FOXJ3: variants seen among roughly 807,000 people sequenced by gnomAD.
FOXJ3 encodes forkhead box protein J3.
In FOXJ3, 22 loss-of-function variants were observed where a neutral mutation model predicts 76.1. That is an observed-to-expected ratio of 0.29 (90% confidence interval 0.21 to 0.41). FOXJ3 has a LOEUF of 0.41. FOXJ3 is among the 10% of genes least tolerant of loss of function. The pLI, the probability that FOXJ3 is intolerant of heterozygous loss-of-function variation, is 1.00. For missense variants in FOXJ3, 613 were observed against 762.1 expected, an observed-to-expected ratio of 0.80 and a Z score of 2.30; for synonymous variants, 269 against 261.2, an observed-to-expected ratio of 1.03 and a Z score of -0.29.
chr1:42,204,004 A>G (rs2124307646), intron 6 of FOXJ3, among the ~76,000 whole-genome samples: 1 of 151,484 alleles, frequency 6.6e-6, no homozygotes, highest in African/African-American at 2.4e-5. Flanking sequence ...TCAAAAAAAA[A>G]AAAAAAAAGT....
At chr1:42,212,458 G>T (rs1046412025) in intron 5 of FOXJ3, among the ~76,000 whole-genome samples, 8 of 152,048 alleles carry the variant, frequency 5.3e-5, no homozygotes, top group Non-Finnish European at 1.2e-4. Flanking sequence ...TTTAACAACA[G>T]ACTAGACCAG....
At chr1:42,324,552 G>C (rs1414368430) in intron 1 of FOXJ3, among the ~76,000 whole-genome samples, 1 of 151,896 alleles carries the variant, frequency 6.6e-6, no homozygotes, top group African/African-American at 2.4e-5. Context: ...CGTGTCGTTA[G>C]GCGATTTCAT....
At chr1:42,226,072 T>C (rs1647533963) in intron 5 of FOXJ3, among the ~76,000 whole-genome samples, 1 of 152,222 alleles carries the variant, frequency 6.6e-6, no homozygotes, top group Non-Finnish European at 1.5e-5. Context: ...TTAACAATGC[T>C]ATGTGTTTTT....
At chr1:42,227,014 T>C (rs914603150) in intron 5 of FOXJ3, among the ~76,000 whole-genome samples, 16 of 152,196 alleles carry the variant, frequency 1.1e-4, no homozygotes, top group African/African-American at 3.6e-4. Context: ...CTGTGAAAAA[T>C]GGTAACACTG....
chr1:42,277,519 C>A (rs374777576), intron 3 of FOXJ3, among the ~76,000 whole-genome samples: 1 of 40,134 alleles, frequency 2.5e-5, no homozygotes, highest in Non-Finnish European at 5.6e-5. Flanking sequence ...AAAATCTGGC[C>A]GGGCGCGGTG....
At chr1:42,283,982 T>A (rs1652890777) in intron 2 of FOXJ3, among the ~76,000 whole-genome samples, 1 of 152,190 alleles carries the variant, frequency 6.6e-6, no homozygotes, top group South Asian at 2.1e-4. Context: ...AAGATGATCC[T>A]GAACATGGAA....
At chr1:42,291,749 C>T (rs1356619798) in intron 2 of FOXJ3, among the ~76,000 whole-genome samples, 1 of 152,184 alleles carries the variant, frequency 6.6e-6, no homozygotes, top group Non-Finnish European at 1.5e-5. Flanking sequence ...CACTGTACTC[C>T]AGCCTGGGCA....
Position 42,199,315 on chromosome 1 carries a change from G to C in FOXJ3, c.631-85C>G, listed in dbSNP as rs1221731293. 5 of 1,195,118 alleles carry C rather than the reference G, an allele frequency of 4.2e-6. No individual in the cohort carries two copies. The Admixed American group carries it at 1.0e-4, about 24-fold the overall frequency. The allele number at this position is 1,195,118 out of a possible 1,614,324, so 74.0% of individuals were successfully genotyped here. ...AAAAATACAATTGAGCAGGCATATGGCAAGAAGAAAAAAATCTCAGTGGCC... is the reference window on the plus strand; with the variant it reads ...AAAAATACAATTGAGCAGGCATATGCCAAGAAGAAAAAAATCTCAGTGGCC... On this transcript the variant is annotated intron_variant, in intron 6 of 12. Coordinates refer to ENST00000361346, the MANE Select transcript of FOXJ3 (RefSeq NM_014947.5).
chr1:42,229,780 A>C (rs1280457921), intron 4 of FOXJ3, among the ~76,000 whole-genome samples: 1 of 152,212 alleles, frequency 6.6e-6, no homozygotes, highest in Non-Finnish European at 1.5e-5. Context: ...GAATAAATGC[A>C]AGGGGGAAAA....
intron 1 of FOXJ3, among the ~76,000 whole-genome samples, chr1:42,330,706 C>T (rs1656108107): frequency 6.6e-6 from 1 of 152,090 alleles, no homozygotes; most frequent in African/African-American, 2.4e-5. Context: ...CCCTCTAAGT[C>T]TCCAGGAAAT....
intron 4 of FOXJ3, among the ~76,000 whole-genome samples, chr1:42,243,037 T>G (rs1649273246): frequency 6.6e-6 from 1 of 152,170 alleles, no homozygotes; most frequent in South Asian, 2.1e-4. Context: ...GGATGATATA[T>G]TCAAGTGCTG....
At chr1:42,257,728 ACT>A (rs1224870411) in intron 4 of FOXJ3, among the ~76,000 whole-genome samples, 1 of 70,960 alleles carries the variant, frequency 1.4e-5, no homozygotes, top group Non-Finnish European at 2.8e-5. Context: ...ATGGAGTGAG[ACT>A]CTGTCTCAAA....
intron 4 of FOXJ3, among the ~76,000 whole-genome samples, chr1:42,257,359 G>A (rs1408877626): frequency 6.6e-6 from 1 of 152,100 alleles, no homozygotes; most frequent in African/African-American, 2.4e-5. Flanking sequence ...GTAGAAGAGA[G>A]CAAACAAATA....
rs1649952613 is a variant in FOXJ3, at chr1:42,250,659, A to C, written c.444+14456T>G. ...TGGAGAAACCCCGTCTCTACTAAAA[A>C]TACAAAATTAGCTGGGCGTGGTGGC... is the stretch of plus-strand genomic sequence containing the variant. On this transcript the variant is annotated intron_variant, in intron 4 of 12. Transcript: ENST00000361346. Among the ~76,000 whole-genome samples, 3 of 152,104 alleles carry C rather than the reference A, an allele frequency of 2.0e-5. No homozygotes were observed. The South Asian group carries it at 6.2e-4, about 31-fold the overall frequency.
chr1:42,311,650 AAGTAGT>A (rs142219815), intron 1 of FOXJ3, among the ~76,000 whole-genome samples: 5 of 149,414 alleles, frequency 3.3e-5, no homozygotes, highest in African/African-American at 5.0e-5. Context: ...TTTAAAAAAA[AAGTAGT>A]AGTAGTAGTA....
intron 3 of FOXJ3, among the ~76,000 whole-genome samples, chr1:42,276,468 A>G (rs1208552898): frequency 6.6e-6 from 1 of 152,216 alleles, no homozygotes; most frequent in Non-Finnish European, 1.5e-5. Flanking sequence ...GAAATAAAGT[A>G]CAGTAAGTCT....
rs1448982166 is a variant in FOXJ3, at chr1:42,320,181, G to A, written c.-17-9071C>T. On this transcript the variant is annotated intron_variant, in intron 1 of 12. Transcript: ENST00000361346. ...ACTGCCTCTTTTCCTCCATATTTTA[G>A]GACTAGTGTCAATAAAAGAGGTGGT... is the stretch of plus-strand genomic sequence containing the variant. 7.9e-5 allele frequency among the ~76,000 whole-genome samples: 12 copies of A among 152,216 alleles called. No homozygotes were observed. In the East Asian group the frequency reaches 2.3e-3, roughly 29 times the overall value.
At chr1:42,244,011 A>G (rs1200853342) in intron 4 of FOXJ3, among the ~76,000 whole-genome samples, 3 of 152,206 alleles carry the variant, frequency 2.0e-5, no homozygotes, top group African/African-American at 7.2e-5. Flanking sequence ...AGCAACAACA[A>G]GAGGAACTTT....
At chr1:42,287,480 A>G (rs1653134770) in intron 2 of FOXJ3, among the ~76,000 whole-genome samples, 1 of 152,190 alleles carries the variant, frequency 6.6e-6, no homozygotes, top group Admixed American at 6.5e-5. Flanking sequence ...CAACAGTAAC[A>G]CTATTTGGGT....
Sources: gnomAD v4.1 joint callset for allele counts (sites outside exome capture counted in the v4.1 genomes callset) on GRCh38, gnomAD v4.1.1 for gene constraint, MANE v1.5 for transcripts, NCBI Gene and HGNC (gene_info 2026-07-23, HGNC 2026-07-21) for gene names.